The following CHL1 variants were observed in gnomAD, a reference collection of about 807,000 sequenced individuals.
The protein encoded by CHL1 is cell adhesion molecule L1 like.
In CHL1, 96 loss-of-function variants were observed where a neutral mutation model predicts 141.9. The ratio of observed to expected loss-of-function variants is 0.68; its 90% CI spans 0.57 to 0.80. The LOEUF (loss-of-function observed/expected upper bound fraction) is 0.80. CHL1 is among the 30% of genes least tolerant of loss of function. The probability of loss-of-function intolerance (pLI) is 0.00; values close to 1 mark genes in which losing one functional copy is unlikely to be tolerated. For missense variants in CHL1, 1,820 were observed against 1,457.2 expected (o/e 1.25, Z -4.05); for synonymous variants, 613 against 502.2 (o/e 1.22, Z -2.95).
chr3:299,883 A>C (rs934407044), intron 2 of CHL1, among the ~76,000 whole-genome samples: 2 of 152,210 alleles, frequency 1.3e-5, no homozygotes, highest in Non-Finnish European at 2.9e-5. Context: ...TACAATATCA[A>C]AACAAGGTCA....
chr3:279,161 GA>G (rs1441401660), intron 2 of CHL1, among the ~76,000 whole-genome samples: 21 of 152,150 alleles, frequency 1.4e-4, no homozygotes, highest in Non-Finnish European at 1.3e-4. Context: ...TATGGATAAA[GA>G]CAAAGAATAT....
chr3:251,209 C>T (rs1395634209), intron 2 of CHL1, among the ~76,000 whole-genome samples: 1 of 152,000 alleles, frequency 6.6e-6, no homozygotes, highest in African/African-American at 2.4e-5. Context: ...TATTAGAATG[C>T]TTTCATTTTT....
chr3:197,310 C>G (rs1257572872), intron 1 of CHL1: 3 of 153,070 alleles, frequency 2.0e-5, no homozygotes, highest in Non-Finnish European at 2.9e-5. Flanking sequence ...CGGGGTCAGT[C>G]GACGGAGCAC....
intron 9 of CHL1, 88 bp downstream of exon 9, chr3:344,797 G>T (rs1361217667): frequency 4.6e-6 from 6 of 1,291,178 alleles, no homozygotes; most frequent in South Asian, 1.6e-5. Context: ...TGCTTGCAAA[G>T]ATATTTTAAA....
At chr3:374,164 C>G (rs1419972338) in intron 15 of CHL1, 2 of 151,994 alleles carry the variant, frequency 1.3e-5, no homozygotes, top group East Asian at 3.9e-4. Context: ...TGAGCCGCCT[C>G]TATGCAAAGG....
intron 1 of CHL1, among the ~76,000 whole-genome samples, chr3:241,702 A>G (rs1318962166): frequency 6.6e-6 from 1 of 152,042 alleles, no homozygotes; most frequent in Admixed American, 6.6e-5. Flanking sequence ...CACACAACCA[A>G]TAAGGACCCA....
At chr3:234,235 A>C (rs2125056045) in intron 1 of CHL1, among the ~76,000 whole-genome samples, 1 of 151,678 alleles carries the variant, frequency 6.6e-6, no homozygotes, top group East Asian at 1.9e-4. Flanking sequence ...GTATACATAT[A>C]TATTTGTATT....
intron 27 of CHL1, among the ~76,000 whole-genome samples, chr3:404,728 T>A (rs1223063985): frequency 1.3e-5 from 2 of 152,098 alleles, no homozygotes; most frequent in African/African-American, 4.8e-5. Context: ...ATCAAAAGGA[T>A]CAGAAGTAAA....
At chr3:237,869 G>T (rs575516312) in intron 1 of CHL1, among the ~76,000 whole-genome samples, 2 of 152,274 alleles carry the variant, frequency 1.3e-5, no homozygotes, top group South Asian at 4.1e-4. Flanking sequence ...GGTAAAACTC[G>T]TGATCAGAAA....
intron 2 of CHL1, among the ~76,000 whole-genome samples, chr3:286,377 G>A (rs1040601946): frequency 5.9e-5 from 9 of 152,074 alleles, no homozygotes; most frequent in African/African-American, 9.7e-5. Flanking sequence ...TTGGGAGGCC[G>A]AAGTGAGTGG....
intron 2 of CHL1, among the ~76,000 whole-genome samples, chr3:280,985 T>A (rs1310411607): frequency 6.6e-6 from 1 of 152,098 alleles, no homozygotes; most frequent in Non-Finnish European, 1.5e-5. Context: ...GATATCACAT[T>A]TTCTAACCCA....
chr3:391,444 A>T (rs918221630), intron 22 of CHL1, among the ~76,000 whole-genome samples: 2 of 152,172 alleles, frequency 1.3e-5, no homozygotes, highest in African/African-American at 4.8e-5. Context: ...TGAACCCGGG[A>T]GGCGGAGGTT....
chr3:342,600 T>G (rs1304572687), intron 7 of CHL1, among the ~76,000 whole-genome samples: 1 of 152,096 alleles, frequency 6.6e-6, no homozygotes, highest in African/African-American at 2.4e-5. Context: ...AGGGAAGAAA[T>G]AATCCCCAAC....
At chr3:233,321 C>A (rs371401996) in intron 1 of CHL1, among the ~76,000 whole-genome samples, 99 of 152,200 alleles carry the variant, frequency 6.5e-4, no homozygotes, top group African/African-American at 2.1e-3. Context: ...CTGTGCCCTG[C>A]TCTTTTAGGT....
intron 2 of CHL1, among the ~76,000 whole-genome samples, chr3:269,271 C>T (rs1695429256): frequency 6.6e-6 from 1 of 152,142 alleles, no homozygotes; most frequent in Non-Finnish European, 1.5e-5. Flanking sequence ...GCGCTTTTCT[C>T]ATCTCAAGTC....
chr3:309,720 G>A (rs927103234), intron 2 of CHL1, among the ~76,000 whole-genome samples: 3 of 152,066 alleles, frequency 2.0e-5, no homozygotes, highest in East Asian at 1.9e-4. Context: ...TCACTATGTT[G>A]CCCAAACTGG....
chr3:311,457 G>T (rs1248256544), intron 2 of CHL1, among the ~76,000 whole-genome samples: 2 of 151,624 alleles, frequency 1.3e-5, no homozygotes, highest in African/African-American at 4.9e-5. Context: ...TCTTCCTTGG[G>T]CAGGACTGTG....
chr3:392,843 C>T (rs1411742526), intron 23 of CHL1, among the ~76,000 whole-genome samples: 1 of 152,184 alleles, frequency 6.6e-6, no homozygotes, highest in Non-Finnish European at 1.5e-5. Context: ...AGCACTTTTA[C>T]GTGCTTGCTA....
In CHL1 at chr3:406,241, A is replaced by G. The variant is rs368947142; in HGVS notation, c.*530A>G. On this transcript the variant is annotated 3_prime_UTR_variant, in exon 28 of 28. Transcript: ENST00000256509. ...AGTCTAAATTTATTATTTAAATTTT[A>G]CTAGCAAAAGTCTTAGGTGAACAAT... The G allele has an allele frequency of 1.3e-5, 2 of 152,412 alleles. No homozygotes were observed. The highest frequency in any genetic ancestry group is 4.8e-5 in the African/African-American group (2 of 41,462). 9.4% of individuals were successfully genotyped at this position (152,412 alleles called of 1,614,324 possible). A position where few individuals can be genotyped will look rare whatever the true frequency, so the allele number is the denominator to read the frequency against.
Sources: allele counts gnomAD v4.1 joint callset (sites outside exome capture counted in the v4.1 genomes callset), GRCh38; gene constraint gnomAD v4.1.1; transcripts MANE v1.5; gene names NCBI Gene and HGNC (gene_info 2026-07-23, HGNC 2026-07-21).